PLD5: variants seen among roughly 807,000 people sequenced by gnomAD.
The protein encoded by PLD5 is phospholipase D family member 5.
A neutral mutation model predicts 61.1 loss-of-function variants in PLD5; 36 were observed. That is an observed-to-expected ratio of 0.59 (90% CI 0.45 to 0.78). The LOEUF (loss-of-function observed/expected upper bound fraction) is 0.78. Ranked by LOEUF, PLD5 falls within the 30% of genes least tolerant of loss-of-function variation. The pLI is 0.00. For missense variants in PLD5, 515 were observed against 644.4 expected, an observed-to-expected ratio of 0.80 and a Z score of 2.17; for synonymous variants, 243 against 242.8, an observed-to-expected ratio of 1.00 and a Z score of -0.01.
chr1:242,133,311 A>G (rs1189218943), intron 5 of PLD5, among the ~76,000 whole-genome samples: 1 of 152,142 alleles, frequency 6.6e-6, no homozygotes, highest in Non-Finnish European at 1.5e-5. Context: ...TATTTCATTT[A>G]TGTAGGGTGT....
intron 1 of PLD5, among the ~76,000 whole-genome samples, chr1:242,356,545 A>C (rs1446629921): frequency 6.6e-6 from 1 of 152,028 alleles, no homozygotes; most frequent in Non-Finnish European, 1.5e-5. Flanking sequence ...AGAGAATTTA[A>C]TCTCTTTTCA....
chr1:242,430,161 C>T (rs1292673780), intron 1 of PLD5, among the ~76,000 whole-genome samples: 3 of 151,770 alleles, frequency 2.0e-5, no homozygotes, highest in Non-Finnish European at 4.4e-5. Context: ...CATAGCATCT[C>T]AGTGTCTCAG....
chr1:242,115,870 A>G (rs1661907868), intron 6 of PLD5, among the ~76,000 whole-genome samples: 1 of 152,086 alleles, frequency 6.6e-6, no homozygotes, highest in Admixed American at 6.5e-5. Flanking sequence ...TGCTTGAGGC[A>G]TTTTTCTCCT....
At chr1:242,261,566 GC>G (rs1372486761) in intron 4 of PLD5, among the ~76,000 whole-genome samples, 6 of 152,136 alleles carry the variant, frequency 3.9e-5, no homozygotes, top group African/African-American at 1.4e-4. Context: ...GAAAAGATAA[GC>G]CTCAAATGGA....
chr1:242,396,673 CTTTTTTTT>C (rs1202041198), intron 1 of PLD5, among the ~76,000 whole-genome samples: 6 of 129,550 alleles, frequency 4.6e-5, no homozygotes, highest in Middle Eastern at 4.2e-3. Context: ...CTTTTCTTTT[CTTTTTTTT>C]TTTTTTTTTT....
chr1:242,378,068 A>C (rs1662067052), intron 1 of PLD5, among the ~76,000 whole-genome samples: 1 of 152,242 alleles, frequency 6.6e-6, no homozygotes. Context: ...AATGTACAAC[A>C]ATGTTCATAG....
intron 5 of PLD5, among the ~76,000 whole-genome samples, chr1:242,166,880 C>A (rs1011176711): frequency 6.6e-6 from 1 of 151,970 alleles, no homozygotes. Context: ...ATTTTATGAG[C>A]CACTGTAGTT....
chr1:242,344,689 C>T (rs2260741), intron 2 of PLD5, among the ~76,000 whole-genome samples: 131,807 of 151,698 alleles, frequency 0.87, 57,837 homozygotes, highest in Non-Finnish European at 0.93. Flanking sequence ...TTAAGGAAAA[C>T]GAAATTAAAA....
At chr1:242,354,816 GTT>G (rs546708905) in intron 1 of PLD5, among the ~76,000 whole-genome samples, 1 of 145,410 alleles carries the variant, frequency 6.9e-6, no homozygotes, top group African/African-American at 2.6e-5. Flanking sequence ...CAATTTGAGT[GTT>G]TTTTTTTTTA....
intron 1 of PLD5, among the ~76,000 whole-genome samples, chr1:242,430,759 C>T (rs1170389736): frequency 6.6e-6 from 1 of 152,164 alleles, no homozygotes; most frequent in Non-Finnish European, 1.5e-5. Flanking sequence ...AGACATCACT[C>T]ACAGGCACAT....
At chr1:242,156,460 A>C (rs1422775334) in intron 5 of PLD5, among the ~76,000 whole-genome samples, 1 of 152,086 alleles carries the variant, frequency 6.6e-6, no homozygotes, top group African/African-American at 2.4e-5. Flanking sequence ...TGGTCTTTAC[A>C]ATTTGGTATG....
In PLD5 at chr1:242,189,306, C is replaced by T. The variant is rs571552937; in HGVS notation, c.735+30682G>A. ...CTAAAAATACAAAAAATTAGCTGGG[C>T]GTAGTGGCGGGCACCTGTAATCCCA... On this transcript the variant is annotated intron_variant, in intron 5 of 9. Transcript: ENST00000536534. 4.6e-5 allele frequency among the ~76,000 whole-genome samples: 7 copies of T among 152,024 alleles called. No individual in the cohort carries two copies. In the East Asian group the frequency reaches 7.8e-4, roughly 17 times the overall value.
chr1:242,514,861 C>T (rs1307039800), intron 1 of PLD5, among the ~76,000 whole-genome samples: 2 of 152,116 alleles, frequency 1.3e-5, no homozygotes, highest in Admixed American at 1.3e-4. Flanking sequence ...CACATGAAGA[C>T]AACAGTGACA....
Position 242,089,813 on chromosome 1 carries a change from A to T in PLD5, c.*41T>A. 6.2e-7 allele frequency: 1 copy of T among 1,607,800 alleles called. No homozygotes were observed. Among genetic ancestry groups the T allele is most frequent in the Non-Finnish European group, 8.5e-7 (1 of 1,175,016 alleles). ...TCTCTCCTCAAGTCCTTTATGTATA[A>T]ATATGAAATACAGAGCTGTCCTGTC... On this transcript the variant is annotated 3_prime_UTR_variant, in exon 10 of 10. Coordinates refer to ENST00000536534, the MANE Select transcript of PLD5 (RefSeq NM_001372062.1).
chr1:242,353,353 C>A (rs1660580563), intron 1 of PLD5, among the ~76,000 whole-genome samples: 1 of 152,108 alleles, frequency 6.6e-6, no homozygotes, highest in Admixed American at 6.6e-5. Flanking sequence ...TTTCTGTGCT[C>A]TCTCTTCTGT....
chr1:242,527,388 G>A (rs552048977), upstream of PLD5, among the ~76,000 whole-genome samples: 3 of 151,994 alleles, frequency 2.0e-5, no homozygotes, highest in South Asian at 2.1e-4. Flanking sequence ...TGCCCGCCTC[G>A]GCCTCCCAAA....
At chr1:242,276,564 G>A (rs1474715186) in intron 3 of PLD5, among the ~76,000 whole-genome samples, 1 of 150,998 alleles carries the variant, frequency 6.6e-6, no homozygotes, top group Non-Finnish European at 1.5e-5. Flanking sequence ...TTGGAGTGGT[G>A]GCCAGAATAT....
intron 1 of PLD5, among the ~76,000 whole-genome samples, chr1:242,374,521 G>C (rs1264072288): frequency 6.6e-6 from 1 of 152,030 alleles, no homozygotes; most frequent in Non-Finnish European, 1.5e-5. Context: ...ACAGAAACCA[G>C]AACACTAAAG....
At chr1:242,348,740 AC>A (rs1487954566) in intron 1 of PLD5, among the ~76,000 whole-genome samples, 2 of 152,192 alleles carry the variant, frequency 1.3e-5, no homozygotes, top group Non-Finnish European at 2.9e-5. Flanking sequence ...TTGGTTTTAT[AC>A]ATTTTAGGGA....
Sources: allele counts gnomAD v4.1 joint callset (sites outside exome capture counted in the v4.1 genomes callset), GRCh38; gene constraint gnomAD v4.1.1; transcripts MANE v1.5; gene names NCBI Gene and HGNC (gene_info 2026-07-23, HGNC 2026-07-21).